KCNK1: variants seen among roughly 807,000 people sequenced by gnomAD.
The protein encoded by KCNK1 is potassium channel subfamily K member 1.
Under a neutral mutation model 22.2 loss-of-function variants are expected in KCNK1, and 10 were observed. The observed-to-expected ratio is 0.45, with a 90% CI of 0.28 to 0.76. The LOEUF (loss-of-function observed/expected upper bound fraction) is 0.76, where lower values mean the gene tolerates loss of function less well. Among genes scored for constraint, KCNK1 ranks in the 30% least tolerant of loss-of-function variants. KCNK1 has a pLI of 0.14. For missense variants in KCNK1, 378 were observed against 421.0 expected (o/e 0.90, Z 0.89); for synonymous variants, 200 against 186.4 (o/e 1.07, Z -0.60).
At position 233,671,472 on chromosome 1, in the gene KCNK1, A is replaced by G. The variant is rs549205062; in HGVS notation, c.953A>G (p.Asn318Ser). ...GGCATGAAAGAGGACCAGAAGCAAA[A>G]TGAGCCTTTTGTGGCCACCCAGTCA... ...AAGMKEDQKQ[N>S]EPFVATQSSA... The change falls in exon 3 of 3, where the codon AAT (asparagine) becomes AGT (serine). Residue 318 changes from asparagine (N) to serine (S), a missense_variant. By Grantham distance (46) the Asn-to-Ser change is conservative (BLOSUM62 1). Coordinates refer to ENST00000366621, the MANE Select transcript of KCNK1 (RefSeq NM_002245.4). 32 of 1,614,184 alleles carry G rather than the reference A, an allele frequency of 2.0e-5. No homozygotes were observed. In the East Asian group the frequency reaches 6.7e-4, roughly 34 times the overall value.
At chr1:233,629,573 G>A (rs1050829624) in intron 1 of KCNK1, 7 of 152,182 alleles carry the variant, frequency 4.6e-5, no homozygotes, top group Non-Finnish European at 7.3e-5. Context: ...AGTAGAAAAT[G>A]GGGAGCCTCT....
chr1:233,643,187 A>G (rs537871479), intron 1 of KCNK1, among the ~76,000 whole-genome samples: 1 of 152,244 alleles, frequency 6.6e-6, no homozygotes, highest in South Asian at 2.1e-4. Context: ...TCAGTCATGC[A>G]TATGTGGGGT....
intron 2 of KCNK1, 134 bp from the exon 3 acceptor site, chr1:233,671,136 TA>T (rs1658588913): frequency 4.9e-6 from 4 of 809,714 alleles, no homozygotes; most frequent in Non-Finnish European, 6.0e-6. Context: ...AAAACACTTC[TA>T]AAAATTAAGA....
At chr1:233,646,606 G>A (rs1361033535) in intron 1 of KCNK1, among the ~76,000 whole-genome samples, 2 of 152,046 alleles carry the variant, frequency 1.3e-5, no homozygotes, top group African/African-American at 4.8e-5. Flanking sequence ...AGTGCAGGGA[G>A]TGAGAGCAGA....
intron 1 of KCNK1, among the ~76,000 whole-genome samples, chr1:233,643,490 T>C (rs1286069386): frequency 6.6e-6 from 1 of 152,196 alleles, no homozygotes; most frequent in Admixed American, 6.5e-5. Context: ...TTCCCTATGG[T>C]CAGTTCTCTT....
At chr1:233,618,967 C>T (rs1175960230) in intron 1 of KCNK1, among the ~76,000 whole-genome samples, 1 of 152,172 alleles carries the variant, frequency 6.6e-6, no homozygotes, top group Non-Finnish European at 1.5e-5. Context: ...GTACCTTTTG[C>T]TGCTTTGTAA....
chr1:233,623,736 A>T (rs1657633606), intron 1 of KCNK1, among the ~76,000 whole-genome samples: 1 of 152,126 alleles, frequency 6.6e-6, no homozygotes, highest in African/African-American at 2.4e-5. Flanking sequence ...CCACAGGCGC[A>T]TGCCACCATG....
chr1:233,647,410 C>T (rs554787198), intron 1 of KCNK1, among the ~76,000 whole-genome samples: 1 of 152,118 alleles, frequency 6.6e-6, no homozygotes, highest in African/African-American at 2.4e-5. Flanking sequence ...GAAAGTAACC[C>T]TGTGGTGGAC....
intron 1 of KCNK1, among the ~76,000 whole-genome samples, chr1:233,654,070 C>A (rs1417526924): frequency 6.6e-6 from 1 of 151,990 alleles, no homozygotes; most frequent in South Asian, 2.1e-4. Flanking sequence ...AAGCCTTAAT[C>A]CTCCTAGAAA....
intron 1 of KCNK1, among the ~76,000 whole-genome samples, chr1:233,636,783 G>A (rs1271167927): frequency 7.9e-6 from 1 of 126,218 alleles, no homozygotes; most frequent in Non-Finnish European, 1.7e-5. Flanking sequence ...TCACGAGAGA[G>A]GTGGAGAGGC....
intron 1 of KCNK1, among the ~76,000 whole-genome samples, chr1:233,623,324 A>G (rs1571889148): frequency 6.6e-6 from 1 of 152,334 alleles, no homozygotes; most frequent in East Asian, 1.9e-4. Flanking sequence ...GTTACAGGAT[A>G]CAAAATTACA....
intron 1 of KCNK1, among the ~76,000 whole-genome samples, chr1:233,648,814 GC>G (rs899481654): frequency 2.0e-5 from 3 of 152,160 alleles, no homozygotes; most frequent in African/African-American, 7.2e-5. Context: ...TGATCCACCT[GC>G]CTTGGCCCCC....
At chr1:233,652,432 G>A (rs1448999500) in intron 1 of KCNK1, among the ~76,000 whole-genome samples, 1 of 152,078 alleles carries the variant, frequency 6.6e-6, no homozygotes, top group African/African-American at 2.4e-5. Context: ...TCAGATCTTT[G>A]GAAAACTATT....
intron 1 of KCNK1, among the ~76,000 whole-genome samples, chr1:233,651,661 A>G (rs1190006394): frequency 6.6e-6 from 1 of 152,216 alleles, no homozygotes; most frequent in Non-Finnish European, 1.5e-5. Context: ...AATCAGGGTC[A>G]GGTTTCTAAC....
intron 1 of KCNK1, among the ~76,000 whole-genome samples, chr1:233,626,979 TC>T (rs1657699665): frequency 6.6e-6 from 1 of 152,196 alleles, no homozygotes; most frequent in African/African-American, 2.4e-5. Context: ...CTAGGTGGTT[TC>T]TGTTTTTAGG....
At chr1:233,649,909 A>G (rs777165522) in intron 1 of KCNK1, 8 of 532,284 alleles carry the variant, frequency 1.5e-5, no homozygotes, top group South Asian at 1.1e-4. Context: ...CTAGAACACC[A>G]TCCTCTTCTG....
Position 233,666,768 on chromosome 1 carries a change from C to T in KCNK1, c.529C>T (p.Gln177Ter). The T allele has an allele frequency of 6.2e-7, 1 of 1,614,210 alleles. No homozygotes were observed. The highest frequency in any genetic ancestry group is 8.5e-7 in the Non-Finnish European group (1 of 1,180,044). ...YFHIRWGFSK[Q>*]VVAIVHAVLL... ...CCACATCCGCTGGGGCTTCTCCAAG[C>T]AGGTGGTGGCCATCGTCCATGCCGT... Residue 177 changes from glutamine (Q) to a stop codon, truncating the protein, a stop_gained, in exon 2 of 3, where the codon CAG becomes TAG. Coordinates refer to ENST00000366621, the MANE Select transcript of KCNK1 (RefSeq NM_002245.4). LOFTEE classifies it high-confidence loss of function.
chr1:233,654,356 G>GA, intron 1 of KCNK1, among the ~76,000 whole-genome samples: 1 of 152,174 alleles, frequency 6.6e-6, no homozygotes, highest in Admixed American at 6.5e-5. Context: ...TAAAGTAAAA[G>GA]AAAACAAATT....
intron 1 of KCNK1, chr1:233,637,519 C>G (rs989561144): frequency 6.6e-5 from 10 of 152,186 alleles, no homozygotes; most frequent in Non-Finnish European, 5.9e-5. Context: ...TTTTCACCAT[C>G]CTTTCTTTCA....
Sources: gnomAD v4.1 joint callset for allele counts (sites outside exome capture counted in the v4.1 genomes callset) on GRCh38, gnomAD v4.1.1 for gene constraint, MANE v1.5 for transcripts, NCBI Gene and HGNC (gene_info 2026-07-23, HGNC 2026-07-21) for gene names.